ARIH1: variants seen among roughly 807,000 people sequenced by gnomAD.
ARIH1 encodes the protein E3 ubiquitin-protein ligase ARIH1.
Under a neutral mutation model 85.0 loss-of-function variants are expected in ARIH1, and 8 were observed. The observed-to-expected ratio is 0.09, with a 90% CI of 0.06 to 0.17. The LOEUF is 0.17. ARIH1 is among the 10% of genes least tolerant of loss of function. The pLI, the probability that ARIH1 is intolerant of heterozygous loss-of-function variation, is 1.00. For missense variants in ARIH1, 311 were observed against 718.1 expected (o/e 0.43, Z 6.48); for synonymous variants, 238 against 253.6 (o/e 0.94, Z 0.59).
At chr15:72,532,546 G>A (rs1026128529) in intron 2 of ARIH1, among the ~76,000 whole-genome samples, 1 of 151,994 alleles carries the variant, frequency 6.6e-6, no homozygotes, top group African/African-American at 2.4e-5. Context: ...AGAAAAATAG[G>A]ATCTTCTGCC....
chr15:72,518,174 A>G, intron 2 of ARIH1, 40 bp downstream of exon 2: 1 of 1,523,014 alleles, frequency 6.6e-7, no homozygotes, highest in Non-Finnish European at 9.0e-7. Context: ...TAGAAGTAAC[A>G]CAGAAAGCCT....
intron 2 of ARIH1, among the ~76,000 whole-genome samples, chr15:72,526,459 G>C (rs1165038021): frequency 1.3e-5 from 2 of 152,152 alleles, no homozygotes; most frequent in African/African-American, 4.8e-5. Flanking sequence ...GGCAGGTACA[G>C]TGGTTCAACC....
chr15:72,514,563 G>A (rs1243528918), intron 1 of ARIH1, among the ~76,000 whole-genome samples: 2 of 151,944 alleles, frequency 1.3e-5, no homozygotes, highest in Non-Finnish European at 2.9e-5. Flanking sequence ...AATATTAGCT[G>A]GGCACGGTGG....
chr15:72,491,308 A>AC (rs1021147619), intron 1 of ARIH1, among the ~76,000 whole-genome samples: 36 of 113,882 alleles, frequency 3.2e-4, no homozygotes, highest in Non-Finnish European at 4.5e-4. Flanking sequence ...GCTTCCCCCC[A>AC]CCCCCCCATA....
intron 2 of ARIH1, among the ~76,000 whole-genome samples, chr15:72,535,971 A>G (rs569721217): frequency 6.6e-6 from 1 of 152,208 alleles, no homozygotes; most frequent in Admixed American, 6.5e-5. Flanking sequence ...ACATTTGTAA[A>G]TAAGTTATAA....
intron 2 of ARIH1, among the ~76,000 whole-genome samples, chr15:72,535,251 T>A (rs2064077017): frequency 1.3e-5 from 2 of 152,100 alleles, no homozygotes; most frequent in African/African-American, 4.8e-5. Context: ...GCGCCCGGCC[T>A]TATTGTCTGT....
chr15:72,562,984 C>T (rs1363027801), intron 6 of ARIH1, among the ~76,000 whole-genome samples: 1 of 151,816 alleles, frequency 6.6e-6, no homozygotes, highest in Non-Finnish European at 1.5e-5. Flanking sequence ...CCCCCATTTG[C>T]CCCTTGTACC....
chr15:72,579,079 C>T (rs2064284587), intron 11 of ARIH1, among the ~76,000 whole-genome samples: 1 of 152,164 alleles, frequency 6.6e-6, no homozygotes, highest in African/African-American at 2.4e-5. Context: ...CCACCACACC[C>T]AGCCTATCTT....
chr15:72,489,197 G>T (rs757732617), intron 1 of ARIH1, among the ~76,000 whole-genome samples: 1 of 136,158 alleles, frequency 7.3e-6, no homozygotes, highest in African/African-American at 2.7e-5. Flanking sequence ...GTAGTAAGCC[G>T]AGATTGTGCT....
chr15:72,541,901 A>G (rs1253583882), intron 2 of ARIH1, among the ~76,000 whole-genome samples: 1 of 152,230 alleles, frequency 6.6e-6, no homozygotes. Flanking sequence ...AGTGCTGCAA[A>G]GGACTGCAGA....
At chr15:72,481,807 A>G (rs2063817466) in intron 1 of ARIH1, among the ~76,000 whole-genome samples, 1 of 152,170 alleles carries the variant, frequency 6.6e-6, no homozygotes, top group South Asian at 2.1e-4. Flanking sequence ...TCCTTCAGCT[A>G]AGGTGGTCTT....
chr15:72,496,615 T>C (rs2063881334), intron 1 of ARIH1, among the ~76,000 whole-genome samples: 1 of 152,266 alleles, frequency 6.6e-6, no homozygotes, highest in Non-Finnish European at 1.5e-5. Flanking sequence ...TTTGGATATA[T>C]GCATGGGATG....
At chr15:72,475,168 G>C in intron 1 of ARIH1, 154 bp downstream of exon 1, 2 of 1,372,480 alleles carry the variant, frequency 1.5e-6, no homozygotes, top group Non-Finnish European at 1.9e-6. Context: ...TGGGGATAGA[G>C]GGTGTCGAAA....
intron 2 of ARIH1, among the ~76,000 whole-genome samples, chr15:72,540,003 TA>T (rs1200644356): frequency 6.6e-6 from 1 of 152,138 alleles, no homozygotes; most frequent in Non-Finnish European, 1.5e-5. Flanking sequence ...CTCATGCCTA[TA>T]ATCCCAGCAC....
chr15:72,566,722 T>C, intron 8 of ARIH1, 117 bp downstream of exon 8: 1 of 883,822 alleles, frequency 1.1e-6, no homozygotes, highest in South Asian at 1.7e-5. Context: ...TTTTATCCTT[T>C]TAATTTCAGA....
At chr15:72,538,110 T>A (rs896868900) in intron 2 of ARIH1, among the ~76,000 whole-genome samples, 1 of 152,138 alleles carries the variant, frequency 6.6e-6, no homozygotes, top group Non-Finnish European at 1.5e-5. Flanking sequence ...ACACCTGTAA[T>A]CCCAGCACTT....
At chr15:72,482,986 G>A (rs547924514) in intron 1 of ARIH1, among the ~76,000 whole-genome samples, 2 of 152,068 alleles carry the variant, frequency 1.3e-5, no homozygotes, top group East Asian at 3.9e-4. Flanking sequence ...GACTATAGAT[G>A]TGCACCACCA....
At chr15:72,535,094 G>T (rs970055682) in intron 2 of ARIH1, among the ~76,000 whole-genome samples, 2 of 150,512 alleles carry the variant, frequency 1.3e-5, no homozygotes, top group Non-Finnish European at 3.0e-5. Context: ...TGGGACTACA[G>T]GCGCCCGCCA....
chr15:72,587,129 A>T lies in ARIH1; in HGVS notation c.*3837A>T. On this transcript the variant is annotated 3_prime_UTR_variant, in exon 14 of 14. Transcript: ENST00000379887. ...TCAACTTACTGTCTAAAACAAGTGGAGAAGAAATTGCCATTTTTTATAAAG... is the reference window on the plus strand; with the variant it reads ...TCAACTTACTGTCTAAAACAAGTGGTGAAGAAATTGCCATTTTTTATAAAG... 1 of 453,210 alleles carries T rather than the reference A, an allele frequency of 2.2e-6. No homozygotes were observed. The highest frequency in any genetic ancestry group is 1.6e-5 in the South Asian group (1 of 61,916). 28.1% of individuals were successfully genotyped at this position (453,210 alleles called of 1,614,324 possible).
Sources: gnomAD v4.1 joint callset for allele counts (sites outside exome capture counted in the v4.1 genomes callset) on GRCh38, gnomAD v4.1.1 for gene constraint, MANE v1.5 for transcripts, NCBI Gene and HGNC (gene_info 2026-07-23, HGNC 2026-07-21) for gene names.